The following DCDC1 variants were observed in gnomAD, a reference collection of about 807,000 sequenced individuals.
DCDC1 encodes doublecortin domain-containing protein 1.
A neutral mutation model predicts 178.3 loss-of-function variants in DCDC1; 200 were observed. The ratio of observed to expected loss-of-function variants is 1.12; its 90% CI spans 1.00 to 1.26. The LOEUF is 1.26. Ranked by LOEUF, DCDC1 falls within the 50% of genes most tolerant of loss-of-function variation. DCDC1 has a pLI of 0.00. For missense variants in DCDC1, 1,983 were observed against 1,749.2 expected, an observed-to-expected ratio of 1.13 and a Z score of -2.38; for synonymous variants, 690 against 604.8, an observed-to-expected ratio of 1.14 and a Z score of -2.07.
At chr11:31,140,874 G>A (rs1002499888) in intron 9 of DCDC1, among the ~76,000 whole-genome samples, 6 of 152,274 alleles carry the variant, frequency 3.9e-5, no homozygotes, top group South Asian at 4.1e-4. Flanking sequence ...ATACTAAGGT[G>A]TCAGGCACTG....
intron 1 of DCDC1, among the ~76,000 whole-genome samples, chr11:31,362,527 T>C (rs1168005834): frequency 6.6e-6 from 1 of 152,136 alleles, no homozygotes; most frequent in Non-Finnish European, 1.5e-5. Context: ...TAATGCAGAG[T>C]GAAAATGCTG....
chr11:30,963,076 C>G (rs1949206530), intron 20 of DCDC1, among the ~76,000 whole-genome samples: 1 of 152,026 alleles, frequency 6.6e-6, no homozygotes, highest in South Asian at 2.1e-4. Flanking sequence ...GGTGGATAAA[C>G]TCCCTAAAGT....
At chr11:31,257,444 A>G (rs1441026720) in intron 8 of DCDC1, among the ~76,000 whole-genome samples, 1 of 152,178 alleles carries the variant, frequency 6.6e-6, no homozygotes, top group Non-Finnish European at 1.5e-5. Context: ...GGAACACTCT[A>G]TCTTCTTCAG....
chr11:31,352,952 T>C (rs138750702), intron 1 of DCDC1, among the ~76,000 whole-genome samples: 1 of 152,330 alleles, frequency 6.6e-6, no homozygotes, highest in East Asian at 1.9e-4. Flanking sequence ...TGACATTGTG[T>C]TCCCTGACAC....
At chr11:31,064,426 G>A (rs372083026) in intron 20 of DCDC1, 43 bp downstream of exon 20, 206 of 673,948 alleles carry the variant, frequency 3.1e-4, no homozygotes, top group Non-Finnish European at 4.8e-4. Flanking sequence ...GGAAAATATC[G>A]AATGTCATTG....
chr11:31,117,861 A>C (rs1960205547), intron 11 of DCDC1, among the ~76,000 whole-genome samples: 1 of 152,172 alleles, frequency 6.6e-6, no homozygotes, highest in South Asian at 2.1e-4. Flanking sequence ...TAAATGGAAT[A>C]TCTCAAGAAG....
chr11:31,204,428 G>GA (rs372599816), intron 9 of DCDC1, among the ~76,000 whole-genome samples: 68 of 139,588 alleles, frequency 4.9e-4, no homozygotes, highest in Middle Eastern at 3.6e-3. Flanking sequence ...AAGATAGCCT[G>GA]AAAAAAAAAA....
intron 15 of DCDC1, among the ~76,000 whole-genome samples, chr11:31,098,676 C>T (rs551276540): frequency 4.6e-5 from 7 of 152,296 alleles, no homozygotes; most frequent in South Asian, 2.1e-4. Context: ...CAATAAAATG[C>T]CCTATAGATA....
intron 20 of DCDC1, among the ~76,000 whole-genome samples, chr11:30,960,335 A>G (rs1280482687): frequency 6.6e-6 from 1 of 152,128 alleles, no homozygotes; most frequent in Non-Finnish European, 1.5e-5. Flanking sequence ...GTCATGTTCA[A>G]CTTACACTGT....
At chr11:31,293,483 G>A (rs1321174239) in intron 6 of DCDC1, among the ~76,000 whole-genome samples, 2 of 152,140 alleles carry the variant, frequency 1.3e-5, no homozygotes, top group African/African-American at 4.8e-5. Context: ...AGGCCAATGA[G>A]GCAAAATTTA....
intron 9 of DCDC1, among the ~76,000 whole-genome samples, chr11:31,210,690 G>A (rs1255465566): frequency 3.5e-5 from 5 of 142,578 alleles, no homozygotes; most frequent in African/African-American, 7.9e-5. Flanking sequence ...CATCTTGGGC[G>A]ACAGAGAGAG....
intron 20 of DCDC1, among the ~76,000 whole-genome samples, chr11:31,061,615 T>C (rs374236327): frequency 1.3e-5 from 2 of 152,044 alleles, no homozygotes; most frequent in South Asian, 4.1e-4. Context: ...GCCTATCACA[T>C]AAACCCTGAG....
At chr11:31,222,859 G>C (rs568552074) in intron 9 of DCDC1, among the ~76,000 whole-genome samples, 12 of 152,216 alleles carry the variant, frequency 7.9e-5, no homozygotes, top group African/African-American at 1.4e-4. Context: ...CCCAAATATA[G>C]TCACATCAGG....
chr11:30,913,141 G>A (rs1049504741), intron 27 of DCDC1, among the ~76,000 whole-genome samples: 1 of 152,152 alleles, frequency 6.6e-6, no homozygotes, highest in Non-Finnish European at 1.5e-5. Context: ...AAAACTCTTG[G>A]CCGGGCGCGG....
chr11:31,353,506 A>G (rs1158453536), intron 1 of DCDC1, among the ~76,000 whole-genome samples: 1 of 152,196 alleles, frequency 6.6e-6, no homozygotes, highest in Non-Finnish European at 1.5e-5. Flanking sequence ...TACCTACAAC[A>G]TTGGTGACAA....
chr11:31,275,424 T>C (rs1376981113), intron 7 of DCDC1, among the ~76,000 whole-genome samples: 3 of 152,172 alleles, frequency 2.0e-5, no homozygotes, highest in Non-Finnish European at 4.4e-5. Flanking sequence ...ACTATACTGA[T>C]TTTGTTTAGG....
At chr11:31,283,525 T>C (rs191036176) in intron 7 of DCDC1, among the ~76,000 whole-genome samples, 2 of 152,250 alleles carry the variant, frequency 1.3e-5, no homozygotes, top group Admixed American at 1.3e-4. Context: ...TAAATGTCTT[T>C]TTCTGTTAAC....
intron 20 of DCDC1, among the ~76,000 whole-genome samples, chr11:31,034,927 G>C (rs1953925844): frequency 6.6e-6 from 1 of 152,156 alleles, no homozygotes. Context: ...GCACACCTTG[G>C]TAGTGTTTGG....
chr11:30,871,314 C>T (rs1250732451), intron 38 of DCDC1, among the ~76,000 whole-genome samples: 1 of 152,140 alleles, frequency 6.6e-6, no homozygotes, highest in Non-Finnish European at 1.5e-5. Flanking sequence ...GAATGGCAGA[C>T]TACTGGGGTG....
Sources: allele counts gnomAD v4.1 joint callset (sites outside exome capture counted in the v4.1 genomes callset), GRCh38; gene constraint gnomAD v4.1.1; transcripts MANE v1.5; gene names NCBI Gene and HGNC (gene_info 2026-07-23, HGNC 2026-07-21).